CCSER1: variants seen among roughly 807,000 people sequenced by gnomAD.
The protein encoded by CCSER1 is serine-rich coiled-coil domain-containing protein 1.
A neutral mutation model predicts 82.0 loss-of-function variants in CCSER1; 41 were observed. That is an observed-to-expected ratio of 0.50 (90% CI 0.39 to 0.65). The LOEUF is 0.65. Among genes scored for constraint, CCSER1 ranks in the 30% least tolerant of loss-of-function variants. CCSER1 has a pLI of 0.00. For missense variants in CCSER1, 1,119 were observed against 1,064.2 expected (o/e 1.05, Z -0.72); for synonymous variants, 414 against 383.9 (o/e 1.08, Z -0.92).
chr4:90,502,317 G>C (rs887386495), intron 5 of CCSER1, among the ~76,000 whole-genome samples: 5 of 152,118 alleles, frequency 3.3e-5, no homozygotes, highest in Non-Finnish European at 4.4e-5. Context: ...ACAAGGGGAA[G>C]TGCAACACCC....
intron 5 of CCSER1, among the ~76,000 whole-genome samples, chr4:90,539,851 A>G (rs1775883420): frequency 6.6e-6 from 1 of 152,132 alleles, no homozygotes; most frequent in African/African-American, 2.4e-5. Context: ...GTATTAAGTG[A>G]TCACTTTTTG....
intron 10 of CCSER1, among the ~76,000 whole-genome samples, chr4:91,491,565 G>A (rs1045365179): frequency 1.3e-5 from 2 of 151,996 alleles, no homozygotes; most frequent in Non-Finnish European, 2.9e-5. Context: ...CACAGCATAG[G>A]TAAAACTATA....
At chr4:90,277,759 A>G (rs1013635481) in intron 1 of CCSER1, among the ~76,000 whole-genome samples, 3 of 152,104 alleles carry the variant, frequency 2.0e-5, no homozygotes, top group African/African-American at 4.8e-5. Context: ...GCTCTTCTCA[A>G]TATCAGCCTT....
intron 5 of CCSER1, among the ~76,000 whole-genome samples, chr4:90,594,899 CT>C (rs1245698106): frequency 6.6e-6 from 1 of 152,010 alleles, no homozygotes; most frequent in Non-Finnish European, 1.5e-5. Flanking sequence ...AACAAAAACT[CT>C]TTCCTCAGGG....
intron 10 of CCSER1, among the ~76,000 whole-genome samples, chr4:91,302,151 C>A (rs1470212299): frequency 6.6e-6 from 1 of 151,952 alleles, no homozygotes; most frequent in Non-Finnish European, 1.5e-5. Flanking sequence ...TATTGAACTG[C>A]CACACTGATA....
At chr4:91,452,674 C>T (rs539292057) in intron 10 of CCSER1, among the ~76,000 whole-genome samples, 5 of 152,124 alleles carry the variant, frequency 3.3e-5, no homozygotes, top group African/African-American at 1.2e-4. Flanking sequence ...CATCTTAAAA[C>T]AACTGAATGA....
chr4:90,948,508 C>T (rs1034274086), intron 9 of CCSER1, among the ~76,000 whole-genome samples: 5 of 151,568 alleles, frequency 3.3e-5, no homozygotes, highest in East Asian at 3.9e-4. Context: ...TTTATAAATA[C>T]GAGAAGTATT....
Position 90,900,094 on chromosome 4 carries a change from G to GTTTTTTTTTTTTT in CCSER1, c.2095-23271_2095-23259dup, listed in dbSNP as rs70963096. On this transcript the variant is annotated intron_variant, in intron 8 of 10. Transcript: ENST00000509176. ...TGCTGTGAAACCCTCTGGTCCCAGA[G>GTTTTTTTTTTTTT]TTTTTTTTTTTTTTTTTGTAGATAT... Among the ~76,000 whole-genome samples the GTTTTTTTTTTTTT allele has an allele frequency of 3.0e-3, 301 of 101,994 alleles. 1 individual carries two copies. Among genetic ancestry groups the GTTTTTTTTTTTTT allele is most frequent in the Middle Eastern group, 0.013 (2 of 160 alleles). The allele number at this position is 101,994 out of a possible 152,430, so 66.9% of individuals were successfully genotyped here.
intron 1 of CCSER1, among the ~76,000 whole-genome samples, chr4:90,245,427 G>A (rs568607900): frequency 6.6e-6 from 1 of 152,108 alleles, no homozygotes; most frequent in Non-Finnish European, 1.5e-5. Context: ...GGTCATGGTA[G>A]GATCTTTAGG....
chr4:91,034,853 A>G (rs549959016), intron 9 of CCSER1, among the ~76,000 whole-genome samples: 1 of 152,226 alleles, frequency 6.6e-6, no homozygotes, highest in East Asian at 1.9e-4. Flanking sequence ...TATTATATTG[A>G]ACTAAATTGG....
At chr4:91,574,703 A>G (rs540591810) in intron 10 of CCSER1, among the ~76,000 whole-genome samples, 1 of 152,206 alleles carries the variant, frequency 6.6e-6, no homozygotes, top group South Asian at 2.1e-4. Flanking sequence ...ATGGGCATAA[A>G]AATGACAACA....
intron 9 of CCSER1, among the ~76,000 whole-genome samples, chr4:91,054,473 T>C (rs1258457316): frequency 6.6e-6 from 1 of 152,190 alleles, no homozygotes; most frequent in Non-Finnish European, 1.5e-5. Context: ...CTTCTTTGTC[T>C]TTTTTAATCT....
intron 9 of CCSER1, among the ~76,000 whole-genome samples, chr4:91,033,707 G>T (rs1531405): frequency 6.6e-6 from 1 of 152,068 alleles, no homozygotes; most frequent in African/African-American, 2.4e-5. Flanking sequence ...GCAATCTGTT[G>T]TAATAGCTTA....
intron 8 of CCSER1, chr4:90,839,037 T>C (rs1452863800): frequency 9.9e-6 from 16 of 1,612,226 alleles, no homozygotes; most frequent in Non-Finnish European, 1.1e-5. Flanking sequence ...TTGTCAGACA[T>C]GGTTGCGGAG....
chr4:90,493,288 T>C (rs1457295150), intron 5 of CCSER1, among the ~76,000 whole-genome samples: 1 of 152,162 alleles, frequency 6.6e-6, no homozygotes, highest in South Asian at 2.1e-4. Context: ...CTACATCTGA[T>C]TGTTGTACCT....
At chr4:90,610,795 A>G (rs148385660) in intron 5 of CCSER1, among the ~76,000 whole-genome samples, 2 of 152,350 alleles carry the variant, frequency 1.3e-5, no homozygotes, top group South Asian at 2.1e-4. Context: ...AGTGTACAGA[A>G]GGCAGATCGA....
chr4:91,241,429 C>T (rs1222507923), intron 10 of CCSER1, among the ~76,000 whole-genome samples: 1 of 148,118 alleles, frequency 6.8e-6, no homozygotes, highest in Non-Finnish European at 1.5e-5. Context: ...AGGTTCACGC[C>T]ATTCTCTTGC....
chr4:90,464,226 C>T (rs1370755276), intron 4 of CCSER1, among the ~76,000 whole-genome samples: 1 of 152,122 alleles, frequency 6.6e-6, no homozygotes, highest in Non-Finnish European at 1.5e-5. Flanking sequence ...TGAGTGGTCC[C>T]TGGAAGGCTT....
chr4:90,178,393 T>C (rs1733101023), intron 1 of CCSER1, among the ~76,000 whole-genome samples: 1 of 152,134 alleles, frequency 6.6e-6, no homozygotes, highest in Admixed American at 6.6e-5. Context: ...TTTCTGTTAC[T>C]CTCTCCCATT....
Sources: gnomAD v4.1 joint callset for allele counts (sites outside exome capture counted in the v4.1 genomes callset) on GRCh38, gnomAD v4.1.1 for gene constraint, MANE v1.5 for transcripts, NCBI Gene and HGNC (gene_info 2026-07-23, HGNC 2026-07-21) for gene names.